PRKCB: variants seen among roughly 807,000 people sequenced by gnomAD.
PRKCB encodes protein kinase C beta.
PRKCB carries 13 observed loss-of-function variants against 81.5 expected under a neutral mutation model. That is an observed-to-expected ratio of 0.16 (90% confidence interval 0.10 to 0.25). The LOEUF (loss-of-function observed/expected upper bound fraction) is 0.25. Among genes scored for constraint, PRKCB ranks in the 10% least tolerant of loss-of-function variants. The probability of loss-of-function intolerance (pLI) is 1.00; values close to 1 mark genes in which losing one functional copy is unlikely to be tolerated. For synonymous variants in PRKCB, 335 were observed against 321.4 expected (o/e 1.04, Z -0.45); for missense variants, 509 against 875.7 (o/e 0.58, Z 5.29).
At chr16:23,908,553 C>T (rs536620444) in intron 2 of PRKCB, among the ~76,000 whole-genome samples, 94 of 151,950 alleles carry the variant, frequency 6.2e-4, no homozygotes, top group Non-Finnish European at 1.2e-3. Context: ...TTTTTTGAGA[C>T]GGATTCTCGC....
At chr16:24,094,937 G>C (rs576545660) in intron 7 of PRKCB, among the ~76,000 whole-genome samples, 1 of 151,268 alleles carries the variant, frequency 6.6e-6, no homozygotes, top group East Asian at 1.9e-4. Context: ...GGGAGGAAGG[G>C]AAGGAGGGAC....
chr16:23,927,252 A>G (rs1429003526), intron 2 of PRKCB, among the ~76,000 whole-genome samples: 1 of 152,086 alleles, frequency 6.6e-6, no homozygotes, highest in African/African-American at 2.4e-5. Context: ...TGTGGAAAGA[A>G]GGGGGAGAGT....
At chr16:24,172,715 G>A (rs891395087) in intron 11 of PRKCB, among the ~76,000 whole-genome samples, 6 of 152,026 alleles carry the variant, frequency 3.9e-5, no homozygotes, top group South Asian at 2.1e-4. Context: ...GCATGGTGGC[G>A]CACAGCTGTA....
At chr16:24,122,250 G>A (rs763216403) in intron 8 of PRKCB, among the ~76,000 whole-genome samples, 2 of 152,216 alleles carry the variant, frequency 1.3e-5, no homozygotes, top group Admixed American at 6.5e-5. Context: ...AGCATGTTTG[G>A]TGCATTCAGA....
In PRKCB at chr16:24,019,162, GT is replaced by G. The variant is rs898425065; in HGVS notation, c.289-12964del. Among the ~76,000 whole-genome samples the G allele has an allele frequency of 2.4e-3, 348 of 144,444 alleles. 1 individual carries two copies. The highest frequency in any genetic ancestry group is 7.7e-3 in the African/African-American group (302 of 39,212). 94.8% of individuals were successfully genotyped at this position (144,444 alleles called of 152,430 possible). A position where few individuals can be genotyped will look rare whatever the true frequency, so the allele number is the denominator to read the frequency against. ...CTCCATAGATGAACACTTGTATTAG[GT>G]TTTTTTTTTCTTTTTTTTTTTTTGG... On this transcript the variant is annotated intron_variant, in intron 3 of 16. Transcript: ENST00000643927.
chr16:23,872,396 C>CT (rs1962919444), intron 2 of PRKCB, among the ~76,000 whole-genome samples: 1 of 152,172 alleles, frequency 6.6e-6, no homozygotes, highest in Non-Finnish European at 1.5e-5. Flanking sequence ...TCGTGTGCAC[C>CT]TGTAGTCCTA....
At chr16:23,905,790 C>A (rs1201400373) in intron 2 of PRKCB, among the ~76,000 whole-genome samples, 1 of 152,050 alleles carries the variant, frequency 6.6e-6, no homozygotes, top group East Asian at 1.9e-4. Flanking sequence ...GACTCTGTAC[C>A]CACCCCATTT....
At chr16:24,160,190 GTTT>G (rs11305626) in intron 10 of PRKCB, among the ~76,000 whole-genome samples, 26 of 115,270 alleles carry the variant, frequency 2.3e-4, no homozygotes, top group African/African-American at 3.4e-4. Flanking sequence ...CCCTTTGGGT[GTTT>G]TTTTTTTTTT....
intron 2 of PRKCB, among the ~76,000 whole-genome samples, chr16:23,866,060 A>G (rs1401805920): frequency 1.3e-5 from 2 of 152,150 alleles, no homozygotes; most frequent in African/African-American, 4.8e-5. Flanking sequence ...AAAGTAGGAT[A>G]AGAACAGCAG....
intron 2 of PRKCB, among the ~76,000 whole-genome samples, chr16:23,980,874 C>T (rs1417862285): frequency 6.6e-6 from 1 of 151,774 alleles, no homozygotes; most frequent in African/African-American, 2.4e-5. Flanking sequence ...GAGTAAACCA[C>T]TAAAATTTGG....
chr16:24,119,490 T>C (rs1195116145), intron 8 of PRKCB, among the ~76,000 whole-genome samples: 1 of 152,120 alleles, frequency 6.6e-6, no homozygotes, highest in East Asian at 1.9e-4. Flanking sequence ...AAATGGGAAC[T>C]GGGGCAGGCA....
intron 5 of PRKCB, among the ~76,000 whole-genome samples, chr16:24,063,156 A>G (rs539256881): frequency 5.3e-5 from 8 of 152,014 alleles, no homozygotes; most frequent in Admixed American, 3.3e-4. Flanking sequence ...TGACATCTCA[A>G]TGCTGCTACT....
chr16:24,128,248 G>A (rs769305754), intron 9 of PRKCB, among the ~76,000 whole-genome samples: 13 of 152,204 alleles, frequency 8.5e-5, no homozygotes, highest in African/African-American at 1.2e-4. Context: ...GGTGGCAGGC[G>A]CCTGTATTCC....
intron 4 of PRKCB, among the ~76,000 whole-genome samples, chr16:24,034,783 C>A (rs942647499): frequency 6.6e-6 from 1 of 152,098 alleles, no homozygotes; most frequent in Admixed American, 6.6e-5. Flanking sequence ...GCCCTCTTGT[C>A]TCAGTTTGGA....
Position 24,091,987 on chromosome 16 carries a change from C to CT in PRKCB, c.530-799dup, listed in dbSNP as rs535336825. Among the ~76,000 whole-genome samples the CT allele has an allele frequency of 2.7e-3, 414 of 152,250 alleles. 5 individuals are homozygous for CT. The highest frequency in any genetic ancestry group is 4.1e-3 in the Non-Finnish European group (281 of 68,012). On this transcript the variant is annotated intron_variant, in intron 5 of 16. Transcript: ENST00000643927. ...AGAGGGTAATTCTTCCTTTCTTTAG[C>CT]TTTTTCTTTTTGAATGGAGGTAAAA...
At chr16:24,039,403 T>A (rs139030603) in intron 5 of PRKCB, among the ~76,000 whole-genome samples, 1 of 152,122 alleles carries the variant, frequency 6.6e-6, no homozygotes, top group African/African-American at 2.4e-5. Flanking sequence ...TGATTTTTTT[T>A]ATTTTTAGTA....
chr16:24,072,975 C>T (rs775305141), intron 5 of PRKCB, among the ~76,000 whole-genome samples: 3 of 152,202 alleles, frequency 2.0e-5, no homozygotes, highest in South Asian at 2.1e-4. Context: ...ATGCAGTGCT[C>T]AGTCATCTTG....
intron 12 of PRKCB, among the ~76,000 whole-genome samples, chr16:24,179,955 T>G (rs1967592673): frequency 6.6e-6 from 1 of 152,210 alleles, no homozygotes; most frequent in Non-Finnish European, 1.5e-5. Flanking sequence ...CAACATTTTT[T>G]TTTTTTCAAG....
chr16:24,092,565 C>A (rs1966388852), intron 5 of PRKCB, among the ~76,000 whole-genome samples: 1 of 152,140 alleles, frequency 6.6e-6, no homozygotes, highest in Admixed American at 6.6e-5. Context: ...ATGGGAAGAG[C>A]AGTGTAAAAG....
Sources: gnomAD v4.1 joint callset for allele counts (sites outside exome capture counted in the v4.1 genomes callset) on GRCh38, gnomAD v4.1.1 for gene constraint, MANE v1.5 for transcripts, NCBI Gene and HGNC (gene_info 2026-07-23, HGNC 2026-07-21) for gene names.